The following PEX14 variants were observed in gnomAD, a reference collection of about 807,000 sequenced individuals.
PEX14 encodes peroxisomal biogenesis factor 14, also known as peroxisomal membrane protein PEX14.
In PEX14, 15 loss-of-function variants were observed where a neutral mutation model predicts 49.5. The observed-to-expected ratio is 0.30, with a 90% CI of 0.20 to 0.47. The LOEUF (loss-of-function observed/expected upper bound fraction) is 0.47, where lower values mean the gene tolerates loss of function less well. Ranked by LOEUF, PEX14 falls within the 20% of genes least tolerant of loss-of-function variation. The probability of loss-of-function intolerance (pLI) is 1.00; values close to 1 mark genes in which losing one functional copy is unlikely to be tolerated. For missense variants in PEX14, 398 were observed against 494.8 expected (o/e 0.80, Z 1.86); for synonymous variants, 210 against 212.7 (o/e 0.99, Z 0.11).
chr1:10,555,642 A>AGTGTGTGTGTGTGT lies in PEX14; in HGVS notation c.169+19357_169+19370dup, dbSNP rs56824548. Among the ~76,000 whole-genome samples the AGTGTGTGTGTGTGT allele has an allele frequency of 4.8e-3, 723 of 149,464 alleles. 4 individuals carry two copies. Among genetic ancestry groups the AGTGTGTGTGTGTGT allele is most frequent in the African/African-American group, 0.015 (621 of 40,560 alleles). On this transcript the variant is annotated intron_variant, in intron 3 of 8. Coordinates refer to ENST00000356607, the MANE Select transcript of PEX14 (RefSeq NM_004565.3). ...GTGAGAGCAGAGCCGGCAAGGTGTG[A>AGTGTGTGTGTGTGT]GTGTGTGTGTGTGTGTGTGTGTGTG... is the stretch of plus-strand genomic sequence containing the variant.
intron 2 of PEX14, among the ~76,000 whole-genome samples, chr1:10,535,716 T>C (rs573539928): frequency 3.9e-5 from 6 of 152,178 alleles, no homozygotes; most frequent in Non-Finnish European, 8.8e-5. Flanking sequence ...ATGGCTTGCT[T>C]ATTTAGGCAA....
chr1:10,502,350 T>G (rs1641696810), intron 2 of PEX14, among the ~76,000 whole-genome samples: 2 of 152,146 alleles, frequency 1.3e-5, no homozygotes, highest in Non-Finnish European at 2.9e-5. Context: ...AGCCTCATAC[T>G]GTTTCTGGGT....
At chr1:10,526,373 C>A (rs982118145) in intron 2 of PEX14, among the ~76,000 whole-genome samples, 1 of 152,122 alleles carries the variant, frequency 6.6e-6, no homozygotes, top group African/African-American at 2.4e-5. Context: ...TGTGAACCAC[C>A]ACACCCAGCT....
chr1:10,609,418 A>G (rs1240032798), intron 4 of PEX14, among the ~76,000 whole-genome samples: 1 of 152,228 alleles, frequency 6.6e-6, no homozygotes, highest in Non-Finnish European at 1.5e-5. Flanking sequence ...GAGTTGTACA[A>G]ACAAGTTGTA....
At chr1:10,545,303 T>A (rs1443501446) in intron 3 of PEX14, among the ~76,000 whole-genome samples, 1 of 152,236 alleles carries the variant, frequency 6.6e-6, no homozygotes, top group Admixed American at 6.5e-5. Context: ...TCAATATTTA[T>A]AAGTTTTTGT....
intron 1 of PEX14, among the ~76,000 whole-genome samples, chr1:10,480,513 C>T (rs909062146): frequency 7.9e-5 from 12 of 151,472 alleles, no homozygotes; most frequent in East Asian, 5.8e-4. Flanking sequence ...CCTGTCTCAG[C>T]CTCCTGAGTA....
chr1:10,545,808 CTG>C (rs1639151264), intron 3 of PEX14, among the ~76,000 whole-genome samples: 1 of 152,112 alleles, frequency 6.6e-6, no homozygotes, highest in Non-Finnish European at 1.5e-5. Context: ...CTTTGGGAGA[CTG>C]AGACAGAAGG....
Position 10,630,313 on chromosome 1 carries a change from C to A in PEX14, c.*326C>A. ...CCCTCTCCCGGACAGACGCCTTGCC[C>A]AGGGTGTGTTTGCTGAGTGTCTTGA... On this transcript the variant is annotated 3_prime_UTR_variant, in exon 9 of 9. Transcript: ENST00000356607. This position sits in a 1 kb window ranked among gnomAD's most constrained non-coding sequence, Gnocchi z 4.1. The A allele has an allele frequency of 2.2e-6, 1 of 454,436 alleles. No individual in the cohort carries two copies. Among genetic ancestry groups the A allele is most frequent in the Non-Finnish European group, 4.0e-6 (1 of 249,984 alleles). 28.2% of individuals were successfully genotyped at this position (454,436 alleles called of 1,614,324 possible). A position where few individuals can be genotyped will look rare whatever the true frequency, so the allele number is the denominator to read the frequency against.
rs1641643394 is a variant in PEX14 at position 10,623,130 on chromosome 1, T to G, written c.487+9T>G. 6.9e-6 allele frequency: 11 copies of G among 1,591,538 alleles called. No individual in the cohort carries two copies. The highest frequency in any genetic ancestry group is 9.5e-6 in the Non-Finnish European group (11 of 1,160,558). ...CAGCGTGGCCCAGACAGGTAAAGAT[T>G]AATGACTCCATCAAGTCACCCCTCA... On this transcript the variant is annotated intron_variant, in intron 6 of 8. Coordinates refer to ENST00000356607, the MANE Select transcript of PEX14 (RefSeq NM_004565.3). This position sits in a 1 kb window ranked among gnomAD's most constrained non-coding sequence, Gnocchi z 4.4.
chr1:10,561,105 T>C (rs1323136352), intron 3 of PEX14, among the ~76,000 whole-genome samples: 3 of 152,146 alleles, frequency 2.0e-5, no homozygotes, highest in Non-Finnish European at 4.4e-5. Context: ...AAATAAATTG[T>C]AGATATCATG....
intron 2 of PEX14, among the ~76,000 whole-genome samples, chr1:10,517,599 G>C (rs1046495931): frequency 1.3e-5 from 2 of 151,682 alleles, no homozygotes; most frequent in African/African-American, 4.8e-5. Flanking sequence ...TGGAGGTTCA[G>C]GTTTTGGCAG....
intron 3 of PEX14, among the ~76,000 whole-genome samples, chr1:10,556,603 C>T (rs1193149629): frequency 6.6e-6 from 1 of 152,104 alleles, no homozygotes; most frequent in Admixed American, 6.6e-5. Context: ...GAGCACTGCG[C>T]CTGATGTGGA....
chr1:10,502,682 T>G (rs1641702313), intron 2 of PEX14, among the ~76,000 whole-genome samples: 1 of 152,148 alleles, frequency 6.6e-6, no homozygotes, highest in Non-Finnish European at 1.5e-5. Context: ...AGGCCCCAAC[T>G]CTTGGATAAA....
Position 10,630,420 on chromosome 1 carries a change from T to G in PEX14, c.*433T>G. 1 of 186,844 alleles carries G rather than the reference T, an allele frequency of 5.4e-6. No homozygotes were observed. Among genetic ancestry groups the G allele is most frequent in the Non-Finnish European group, 1.1e-5 (1 of 89,228 alleles). The allele number at this position is 186,844 out of a possible 1,614,324, so 11.6% of individuals were successfully genotyped here. ...AGTGGAGGAGGAGCTGCGGTCCCTC[T>G]GGTGTCTGCCATCCCCCTCCCTCCC... is the stretch of plus-strand genomic sequence containing the variant. On this transcript the variant is annotated 3_prime_UTR_variant, in exon 9 of 9. Coordinates refer to ENST00000356607, the MANE Select transcript of PEX14 (RefSeq NM_004565.3). The surrounding 1 kb of genome is among the most constrained non-coding windows in gnomAD (Gnocchi z 4.1).
chr1:10,584,025 G>A (rs940018251), intron 3 of PEX14, among the ~76,000 whole-genome samples: 1 of 152,230 alleles, frequency 6.6e-6, no homozygotes, highest in African/African-American at 2.4e-5. Flanking sequence ...TAAGCAAGGA[G>A]TTATACCATC....
In PEX14 at chr1:10,613,890, A is replaced by G. The variant is rs938333819; in HGVS notation, c.299-4442A>G. Among the ~76,000 whole-genome samples, 25 of 152,304 alleles carry G rather than the reference A, an allele frequency of 1.6e-4. No individual in the cohort carries two copies. The highest frequency in any genetic ancestry group is 5.2e-4 in the Admixed American group (8 of 15,304). On this transcript the variant is annotated intron_variant, in intron 4 of 8. Coordinates refer to ENST00000356607, the MANE Select transcript of PEX14 (RefSeq NM_004565.3). The surrounding 1 kb of genome is among the most constrained non-coding windows in gnomAD (Gnocchi z 5.0). ...CAGAGTGGAGACTCGAAGCATTTAA[A>G]AAGCCCACTCATTCTCTTCCTTTTC...
rs1312717612 is a variant in PEX14 at position 10,599,383 on chromosome 1, A to G, written c.298+17A>G. The G allele has an allele frequency of 1.2e-6, 2 of 1,614,076 alleles. No homozygotes were observed. The highest frequency in any genetic ancestry group is 8.5e-7 in the Non-Finnish European group (1 of 1,179,922). ...AGCCATACAGTAAGTCACCCGCTCA[A>G]ACTCCTGCTTAACCTTGATTGGGAT... On this transcript the variant is annotated intron_variant, in intron 4 of 8. Coordinates refer to ENST00000356607, the MANE Select transcript of PEX14 (RefSeq NM_004565.3).
intron 1 of PEX14, among the ~76,000 whole-genome samples, chr1:10,478,388 G>C (rs1162601998): frequency 6.6e-6 from 1 of 152,120 alleles, no homozygotes; most frequent in Non-Finnish European, 1.5e-5. Context: ...CTTTTATTCA[G>C]AAGTAATTCC....
intron 3 of PEX14, among the ~76,000 whole-genome samples, chr1:10,546,135 T>C (rs1457083952): frequency 6.6e-6 from 1 of 152,188 alleles, no homozygotes; most frequent in Non-Finnish European, 1.5e-5. Context: ...AGGGCTTAAT[T>C]GATGACAACA....
Sources: gnomAD v4.1 joint callset for allele counts (sites outside exome capture counted in the v4.1 genomes callset) on GRCh38, gnomAD v4.1.1 for gene constraint, Gnocchi (gnomAD v3.1) non-coding constraint, MANE v1.5 for transcripts, NCBI Gene and HGNC (gene_info 2026-07-23, HGNC 2026-07-21) for gene names.